LCOR: variants seen among roughly 807,000 people sequenced by gnomAD.
LCOR encodes the protein ligand dependent nuclear receptor corepressor.
LCOR carries 14 observed loss-of-function variants against 64.4 expected under a neutral mutation model. The observed-to-expected ratio is 0.22, with a 90% CI of 0.14 to 0.34. The LOEUF (loss-of-function observed/expected upper bound fraction) is 0.34. Among genes scored for constraint, LCOR ranks in the 10% least tolerant of loss-of-function variants. LCOR has a pLI of 1.00. For missense variants in LCOR, 1,686 were observed against 1,765.3 expected (o/e 0.96, Z 0.80); for synonymous variants, 643 against 642.5 (o/e 1.00, Z -0.01).
intron 6 of LCOR, among the ~76,000 whole-genome samples, chr10:96,950,705 A>T (rs1847663092): frequency 6.6e-6 from 1 of 152,096 alleles, no homozygotes; most frequent in South Asian, 2.1e-4. Context: ...GAAGTAAAAA[A>T]ATTTTAAATT....
chr10:96,854,923 A>T (rs1845777984), intron 2 of LCOR, among the ~76,000 whole-genome samples: 1 of 152,140 alleles, frequency 6.6e-6, no homozygotes. Context: ...GTTTTATCAT[A>T]CCTTTCCTAC....
chr10:96,977,954 G>A (rs981930102), intron 7 of LCOR, among the ~76,000 whole-genome samples: 2 of 152,180 alleles, frequency 1.3e-5, no homozygotes, highest in African/African-American at 4.8e-5. Flanking sequence ...GGTAGATGGG[G>A]CAGGTACTCT....
At chr10:96,892,569 A>AT (rs1317122548) in intron 2 of LCOR, among the ~76,000 whole-genome samples, 1 of 152,078 alleles carries the variant, frequency 6.6e-6, no homozygotes, top group Admixed American at 6.6e-5. Context: ...TGCCTCTTTT[A>AT]TAAGGGCACT....
chr10:96,910,967 A>G (rs1554836296), intron 4 of LCOR, among the ~76,000 whole-genome samples: 1 of 152,240 alleles, frequency 6.6e-6, no homozygotes, highest in Non-Finnish European at 1.5e-5. Context: ...GGATTCACCT[A>G]GAGATTAGTA....
rs1378238274 is a variant in LCOR, at chr10:96,992,974, G to A, written c.*7840G>A. 1 of 152,226 alleles carries A rather than the reference G, an allele frequency of 6.6e-6. No homozygotes were observed. The highest frequency in any genetic ancestry group is 1.5e-5 in the Non-Finnish European group (1 of 68,062). The allele number at this position is 152,226 out of a possible 1,614,324, so 9.4% of individuals were successfully genotyped here. A position where few individuals can be genotyped will look rare whatever the true frequency, so the allele number is the denominator to read the frequency against. ...TCAGTGTGCATCTGTGCAGATGTGG[G>A]CCAGTCCCCCTGTAACCAGTGGTTA... On this transcript the variant is annotated 3_prime_UTR_variant, in exon 8 of 8. Transcript: ENST00000421806.
chr10:96,854,575 C>T lies in LCOR; in HGVS notation c.-330+21096C>T, dbSNP rs75636305. ...CTCCTGACCTCAAGTGATCCGCTGA[C>T]CTCGGCCTCCCAAAGTGCTGGGATT... On this transcript the variant is annotated intron_variant, in intron 2 of 7. Coordinates refer to ENST00000421806, the MANE Select transcript of LCOR (RefSeq NM_001346516.2). Among the ~76,000 whole-genome samples, 1,517 of 152,296 alleles carry T rather than the reference C, an allele frequency of 1.0e-2. 22 individuals are homozygous for T. Among genetic ancestry groups the T allele is most frequent in the African/African-American group, 0.031 (1,300 of 41,558 alleles).
intron 2 of LCOR, among the ~76,000 whole-genome samples, chr10:96,865,270 T>C (rs1167304944): frequency 6.7e-6 from 1 of 150,130 alleles, no homozygotes; most frequent in Non-Finnish European, 1.5e-5. Context: ...GTTAGGCTGT[T>C]TTAAAAAAAA....
intron 4 of LCOR, among the ~76,000 whole-genome samples, chr10:96,916,220 A>G (rs1025729465): frequency 4.0e-5 from 6 of 151,818 alleles, no homozygotes; most frequent in Admixed American, 3.3e-4. Flanking sequence ...TTTAGTAGAG[A>G]TGGGGTTTCA....
intron 4 of LCOR, among the ~76,000 whole-genome samples, chr10:96,931,290 G>C (rs1176151592): frequency 2.0e-5 from 3 of 150,606 alleles, no homozygotes; most frequent in Non-Finnish European, 4.4e-5. Context: ...CTAGAGTGCA[G>C]TGGTGTCATC....
At chr10:96,854,972 C>G (rs1008536771) in intron 2 of LCOR, among the ~76,000 whole-genome samples, 2 of 152,178 alleles carry the variant, frequency 1.3e-5, no homozygotes, top group Non-Finnish European at 2.9e-5. Flanking sequence ...TCCTTTCTCT[C>G]CTCCTCTTAT....
At chr10:96,842,954 A>G (rs866480970) in intron 2 of LCOR, among the ~76,000 whole-genome samples, 16 of 152,102 alleles carry the variant, frequency 1.1e-4, no homozygotes, top group Non-Finnish European at 2.1e-4. Flanking sequence ...AATTTTTGAA[A>G]TAAGTATACA....
chr10:96,900,980 G>A (rs1846625903), intron 2 of LCOR, among the ~76,000 whole-genome samples: 1 of 151,626 alleles, frequency 6.6e-6, no homozygotes, highest in Non-Finnish European at 1.5e-5. Flanking sequence ...ACGAGTTCAG[G>A]AGATCGAGAC....
chr10:96,927,348 TAA>T (rs145138362), intron 4 of LCOR, among the ~76,000 whole-genome samples: 3,745 of 152,208 alleles, frequency 0.025, 154 homozygotes, highest in African/African-American at 0.085. Context: ...AACATTATTA[TAA>T]GTTATAATAA....
chr10:96,876,373 CAT>C (rs1227491417), intron 2 of LCOR, among the ~76,000 whole-genome samples: 7 of 152,164 alleles, frequency 4.6e-5, no homozygotes, highest in Non-Finnish European at 1.0e-4. Flanking sequence ...ATACCATAAA[CAT>C]ATGAATTTGG....
intron 2 of LCOR, among the ~76,000 whole-genome samples, chr10:96,859,999 G>A (rs188820403): frequency 2.8e-4 from 42 of 152,302 alleles, no homozygotes; most frequent in African/African-American, 1.0e-3. Flanking sequence ...ACAAGTGCCC[G>A]CTTTTGGAGA....
At chr10:96,871,914 C>T (rs1287073226) in intron 2 of LCOR, among the ~76,000 whole-genome samples, 2 of 152,182 alleles carry the variant, frequency 1.3e-5, no homozygotes, top group Admixed American at 6.5e-5. Flanking sequence ...TCTGAAGTCA[C>T]AATATCTGCC....
intron 2 of LCOR, among the ~76,000 whole-genome samples, chr10:96,851,322 A>AG: frequency 1.3e-5 from 2 of 152,370 alleles, no homozygotes; most frequent in Middle Eastern, 3.4e-3. Context: ...GGGTATCCTT[A>AG]GATGAATGAA....
At chr10:96,872,546 TTGG>T (rs1846089693) in intron 2 of LCOR, among the ~76,000 whole-genome samples, 1 of 152,048 alleles carries the variant, frequency 6.6e-6, no homozygotes, top group Non-Finnish European at 1.5e-5. Context: ...TCAGCTGGGC[TTGG>T]TGGTACGCAC....
At position 96,981,381 on chromosome 10, in the gene LCOR, T is replaced by G. The variant is rs1303004534; in HGVS notation, c.921T>G (p.Gly307=). 1.2e-6 allele frequency: 2 copies of G among 1,614,012 alleles called. No individual in the cohort carries two copies. Among genetic ancestry groups the G allele is most frequent in the Admixed American group, 3.3e-5 (2 of 60,000 alleles). ...CAAATGTGAACATATGTGAGGATGG[T>G]AAAGACCATATGCAGAGTTCAGCTT... ...QDTNVNICED[G]KDHMQSSALV... The change falls in exon 8 of 8, where the codon GGT becomes GGG. Residue 307 remains glycine, a synonymous_variant. Coordinates refer to ENST00000421806, the MANE Select transcript of LCOR (RefSeq NM_001346516.2).
Sources: gnomAD v4.1 joint callset for allele counts (sites outside exome capture counted in the v4.1 genomes callset) on GRCh38, gnomAD v4.1.1 for gene constraint, MANE v1.5 for transcripts, NCBI Gene and HGNC (gene_info 2026-07-23, HGNC 2026-07-21) for gene names.